The following PAG1 variants were observed in gnomAD, a reference collection of about 807,000 sequenced individuals.
The protein encoded by PAG1 is phosphoprotein membrane anchor with glycosphingolipid microdomains 1.
A neutral mutation model predicts 31.7 loss-of-function variants in PAG1; 23 were observed. That is an observed-to-expected ratio of 0.73 (90% confidence interval 0.52 to 1.03). PAG1 has a LOEUF of 1.03. Ranked by LOEUF, PAG1 falls within the 50% of genes least tolerant of loss-of-function variation. The probability of loss-of-function intolerance (pLI) is 0.00; values close to 1 mark genes in which losing one functional copy is unlikely to be tolerated. For synonymous variants in PAG1, 214 were observed against 210.3 expected (o/e 1.02, Z -0.15); for missense variants, 473 against 540.7 (o/e 0.87, Z 1.24).
rs76724128 is a variant in PAG1 at position 81,064,647 on chromosome 8, T to C, written c.-175+5465A>G. 6.7e-4 allele frequency among the ~76,000 whole-genome samples: 102 copies of C among 152,124 alleles called. No homozygotes were observed. In the East Asian group the frequency reaches 0.017, roughly 26 times the overall value. On this transcript the variant is annotated intron_variant, in intron 2 of 8. Coordinates refer to ENST00000220597, the MANE Select transcript of PAG1 (RefSeq NM_018440.4). ...AACAGCTAACTCTCTCTTCTTCAAA[T>C]AGGTCCTCTAGTGTGCTTTTCATGT... is the stretch of plus-strand genomic sequence containing the variant.
At chr8:81,098,780 T>C (rs1407058994) in intron 1 of PAG1, among the ~76,000 whole-genome samples, 2 of 152,114 alleles carry the variant, frequency 1.3e-5, no homozygotes, top group African/African-American at 4.8e-5. Flanking sequence ...TTTTGTCAAG[T>C]CTGATGGGAA....
intron 1 of PAG1, among the ~76,000 whole-genome samples, chr8:81,101,113 G>C (rs1037627373): frequency 6.6e-6 from 1 of 152,236 alleles, no homozygotes; most frequent in African/African-American, 2.4e-5. Context: ...ATTAAATTAA[G>C]TGTAAGTTTA....
intron 1 of PAG1, among the ~76,000 whole-genome samples, chr8:81,100,398 G>T (rs1427912227): frequency 6.6e-6 from 1 of 152,186 alleles, no homozygotes; most frequent in Admixed American, 6.5e-5. Context: ...CTAAATCAGG[G>T]TTTCTCAAGC....
At chr8:81,092,997 C>A (rs905996488) in intron 1 of PAG1, among the ~76,000 whole-genome samples, 2 of 152,206 alleles carry the variant, frequency 1.3e-5, no homozygotes, top group Admixed American at 1.3e-4. Flanking sequence ...TACAAAGTAG[C>A]AATTGTGAGG....
At chr8:81,022,713 T>C (rs1487083306) in intron 3 of PAG1, among the ~76,000 whole-genome samples, 5 of 152,144 alleles carry the variant, frequency 3.3e-5, no homozygotes, top group Non-Finnish European at 2.9e-5. Context: ...TAAAAAACAG[T>C]ATAGGGATTT....
intron 1 of PAG1, among the ~76,000 whole-genome samples, chr8:81,073,725 G>A (rs1164477345): frequency 1.3e-5 from 2 of 152,226 alleles, no homozygotes; most frequent in Middle Eastern, 3.2e-3. Flanking sequence ...CCTGTCCTAT[G>A]TATCTTTCTA....
chr8:80,997,183 T>A lies in PAG1; in HGVS notation c.-80-3876A>T, dbSNP rs78463719. On this transcript the variant is annotated intron_variant, in intron 3 of 8. Transcript: ENST00000220597. Reference sequence around the variant, plus strand: ...GCCATTTGGAGGAGCATCCCCTATGTTTTTTTCATGAAGACATTTAAGTCT... The same window carrying A: ...GCCATTTGGAGGAGCATCCCCTATGATTTTTTCATGAAGACATTTAAGTCT... 9.7e-3 allele frequency among the ~76,000 whole-genome samples: 1,479 copies of A among 152,346 alleles called. 28 individuals are homozygous for A. Among genetic ancestry groups the A allele is most frequent in the African/African-American group, 0.034 (1,397 of 41,578 alleles).
intron 3 of PAG1, among the ~76,000 whole-genome samples, chr8:81,022,528 T>C (rs1808207852): frequency 6.6e-6 from 1 of 152,206 alleles, no homozygotes; most frequent in African/African-American, 2.4e-5. Context: ...TTACTTACTA[T>C]ATTTTTTCTA....
At chr8:81,079,933 T>A (rs779207922) in intron 1 of PAG1, among the ~76,000 whole-genome samples, 45 of 151,948 alleles carry the variant, frequency 3.0e-4, no homozygotes, top group Admixed American at 7.2e-4. Context: ...CATGCCCGGA[T>A]AATTTTTAAA....
intron 3 of PAG1, among the ~76,000 whole-genome samples, chr8:81,018,308 C>A (rs898629747): frequency 6.6e-6 from 1 of 151,002 alleles, no homozygotes; most frequent in East Asian, 1.9e-4. Context: ...TCAAAGTGTA[C>A]ATTATCATTT....
At position 81,050,835 on chromosome 8, in the gene PAG1, A is replaced by G. The variant is rs530880448; in HGVS notation, c.-175+19277T>C. ...CATTCCTGCTGCATGAGCTGGCAGA[A>G]GCCAGTAGAACATGTGCTCATTCCA... is the stretch of plus-strand genomic sequence containing the variant. On this transcript the variant is annotated intron_variant, in intron 2 of 8. Coordinates refer to ENST00000220597, the MANE Select transcript of PAG1 (RefSeq NM_018440.4). Among the ~76,000 whole-genome samples the G allele has an allele frequency of 5.3e-5, 8 of 152,328 alleles. No homozygotes were observed. In the South Asian group the frequency reaches 1.5e-3, roughly 28 times the overall value.
rs4237093 is a variant in PAG1, at chr8:81,098,952, C to T, written c.-234+12639G>A. Among the ~76,000 whole-genome samples, 5 of 152,032 alleles carry T rather than the reference C, an allele frequency of 3.3e-5. No individual in the cohort carries two copies. The South Asian group carries it at 1.0e-3, about 31-fold the overall frequency. On this transcript the variant is annotated intron_variant, in intron 1 of 8. Coordinates refer to ENST00000220597, the MANE Select transcript of PAG1 (RefSeq NM_018440.4). Reference sequence around the variant, plus strand: ...CTGAGGCAGTCTCACAAACCTTTACCCACAATTTTGAAATGCAAAAATTTC... The same window carrying T: ...CTGAGGCAGTCTCACAAACCTTTACTCACAATTTTGAAATGCAAAAATTTC...
At chr8:81,051,923 G>A (rs1229165594) in intron 2 of PAG1, among the ~76,000 whole-genome samples, 1 of 152,082 alleles carries the variant, frequency 6.6e-6, no homozygotes, top group Non-Finnish European at 1.5e-5. Context: ...GAGGTCAGGA[G>A]ATCGAGACCG....
At chr8:80,985,444 G>C in intron 6 of PAG1, 67 bp from the exon 7 acceptor site, 4 of 1,488,080 alleles carry the variant, frequency 2.7e-6, no homozygotes, top group Non-Finnish European at 3.6e-6. Context: ...CGAGAATCAG[G>C]TAATATAAAG....
At chr8:81,111,024 A>G (rs1809764834) in intron 1 of PAG1, among the ~76,000 whole-genome samples, 1 of 152,246 alleles carries the variant, frequency 6.6e-6, no homozygotes, top group Non-Finnish European at 1.5e-5. Context: ...CTTAAAGTGT[A>G]TGAATTCACA....
chr8:81,026,581 C>A (rs540543731), intron 3 of PAG1, among the ~76,000 whole-genome samples: 7 of 151,894 alleles, frequency 4.6e-5, no homozygotes, highest in Non-Finnish European at 1.0e-4. Flanking sequence ...AGCTTTCTGG[C>A]GAACTGTGGT....
chr8:81,066,738 G>A (rs1252242288), intron 2 of PAG1, among the ~76,000 whole-genome samples: 1 of 152,084 alleles, frequency 6.6e-6, no homozygotes, highest in Non-Finnish European at 1.5e-5. Flanking sequence ...GAAAGAGAAA[G>A]GGAGAAAGAA....
At chr8:81,053,054 G>C (rs1377817971) in intron 2 of PAG1, among the ~76,000 whole-genome samples, 2 of 152,064 alleles carry the variant, frequency 1.3e-5, no homozygotes, top group Non-Finnish European at 1.5e-5. Flanking sequence ...AATTGTAATT[G>C]TAAATTCATA....
intron 1 of PAG1, among the ~76,000 whole-genome samples, chr8:81,073,021 T>A (rs916238309): frequency 6.6e-6 from 1 of 152,208 alleles, no homozygotes; most frequent in African/African-American, 2.4e-5. Context: ...TGCCTTTCCT[T>A]CACTTTCAGT....
Sources: allele counts gnomAD v4.1 joint callset (sites outside exome capture counted in the v4.1 genomes callset), GRCh38; gene constraint gnomAD v4.1.1; transcripts MANE v1.5; gene names NCBI Gene and HGNC (gene_info 2026-07-23, HGNC 2026-07-21).